The following ALMS1 variants were observed in gnomAD, a reference collection of about 807,000 sequenced individuals.
The protein encoded by ALMS1 is centrosome-associated protein ALMS1.
ALMS1 carries 271 observed loss-of-function variants against 352.2 expected under a neutral mutation model. That is an observed-to-expected ratio of 0.77 (90% CI 0.70 to 0.85). The LOEUF is 0.85. Among genes scored for constraint, ALMS1 ranks in the 40% least tolerant of loss-of-function variants. ALMS1 has a pLI of 0.00. For missense variants in ALMS1, 5,445 were observed against 4,870.7 expected, an observed-to-expected ratio of 1.12 and a Z score of -3.51; for synonymous variants, 1,865 against 1,761.2, an observed-to-expected ratio of 1.06 and a Z score of -1.48.
chr2:73,557,299 A>C lies in ALMS1; in HGVS notation c.10158A>C (p.Ala3386=). 6.2e-7 allele frequency: 1 copy of C among 1,614,206 alleles called. No homozygotes were observed. The highest frequency in any genetic ancestry group is 8.5e-7 in the Non-Finnish European group (1 of 1,180,026). ...KKQQEIHSTR[A]VTEAAQAKEK... is the part of the protein sequence containing the mutation. ...AGCAAGAGATTCACAGTACAAGGGCAGTGACTGAGGCTGCCCAGGCTAAAG... is the reference window on the plus strand; with the variant it reads ...AGCAAGAGATTCACAGTACAAGGGCCGTGACTGAGGCTGCCCAGGCTAAAG... Residue 3386 remains alanine, a synonymous_variant, in exon 14 of 23, where the codon GCA becomes GCC. Coordinates refer to ENST00000613296, the MANE Select transcript of ALMS1 (RefSeq NM_001378454.1).
rs1672972250 is a variant in ALMS1, at chr2:73,490,987, A to G, written c.9028A>G (p.Ile3010Val). 6.2e-7 allele frequency: 1 copy of G among 1,614,248 alleles called. No individual in the cohort carries two copies. The highest frequency in any genetic ancestry group is 8.5e-7 in the Non-Finnish European group (1 of 1,180,040). Reference protein sequence around the residue: ...QHKPKSHISNINVEAKFNTVV... With the variant: ...QHKPKSHISNVNVEAKFNTVV... ...TAAGCCTAAATCACACATTTCTAATATAAATGTTGAAGCCAAGTTCAATAC... is the reference window on the plus strand; with the variant it reads ...TAAGCCTAAATCACACATTTCTAATGTAAATGTTGAAGCCAAGTTCAATAC... The change falls in exon 10 of 23, where the codon ATA (isoleucine) becomes GTA (valine). Residue 3010 changes from isoleucine (I) to valine (V), a missense_variant. Coordinates refer to ENST00000613296, the MANE Select transcript of ALMS1 (RefSeq NM_001378454.1).
Position 73,520,008 on chromosome 2 carries a change from G to T in ALMS1, c.9773G>T (p.Gly3258Val). The T allele has an allele frequency of 6.2e-7, 1 of 1,614,068 alleles. No individual in the cohort carries two copies. Among genetic ancestry groups the T allele is most frequent in the Non-Finnish European group, 8.5e-7 (1 of 1,179,954 alleles). ...GTCCAACAGGTTACTTTTTCTCGCG[G>T]CACAGATGGTAAGAGAATGTGATTG... ...SSVQQVTFSR[G>V]TDGQPLLLPY... The change falls in exon 11 of 23, where the codon GGC becomes GTC. Residue 3258 changes from glycine (G) to valine (V), a missense_variant. Coordinates refer to ENST00000613296, the MANE Select transcript of ALMS1 (RefSeq NM_001378454.1).
At chr2:73,538,729 G>A (rs983744209) in intron 12 of ALMS1, among the ~76,000 whole-genome samples, 9 of 152,200 alleles carry the variant, frequency 5.9e-5, no homozygotes, top group African/African-American at 2.2e-4. Context: ...GGCACACCAG[G>A]AGATTATATC....
intron 9 of ALMS1, among the ~76,000 whole-genome samples, chr2:73,483,766 G>A (rs1162256758): frequency 6.8e-5 from 10 of 147,780 alleles, no homozygotes; most frequent in African/African-American, 2.5e-4. Flanking sequence ...CCTGTATTGG[G>A]TGCATATATA....
At chr2:73,555,431 A>G (rs898451813) in intron 13 of ALMS1, among the ~76,000 whole-genome samples, 1 of 152,228 alleles carries the variant, frequency 6.6e-6, no homozygotes, top group Non-Finnish European at 1.5e-5. Context: ...AAAATCAGAT[A>G]AATCACTGCC....
At chr2:73,406,023 T>G (rs1670966012) in intron 1 of ALMS1, among the ~76,000 whole-genome samples, 1 of 152,158 alleles carries the variant, frequency 6.6e-6, no homozygotes, top group Non-Finnish European at 1.5e-5. Context: ...GTTCTGTATA[T>G]GTATGTTAGG....
intron 9 of ALMS1, among the ~76,000 whole-genome samples, chr2:73,476,125 TATAGTAGCAGA>T (rs1333832384): frequency 6.6e-6 from 1 of 152,072 alleles, no homozygotes; most frequent in Non-Finnish European, 1.5e-5. Flanking sequence ...CTAGGTACCT[TATAGTAGCAGA>T]ATCACACAGT....
chr2:73,498,720 C>T (rs1030329341), intron 10 of ALMS1, among the ~76,000 whole-genome samples: 24 of 152,104 alleles, frequency 1.6e-4, no homozygotes, highest in Admixed American at 1.4e-3. Context: ...TCTCTAGTTC[C>T]ATCCATATTG....
Position 73,391,294 on chromosome 2 carries a change from C to CTTTTTTTTTTTTTTTTTT in ALMS1, c.324+5119_324+5120insTTTTTTTTTTTTTTTTTT, listed in dbSNP as rs397972016. Among the ~76,000 whole-genome samples the CTTTTTTTTTTTTTTTTTT allele has an allele frequency of 2.3e-3, 262 of 114,914 alleles. 10 individuals carry two copies. Among genetic ancestry groups the CTTTTTTTTTTTTTTTTTT allele is most frequent in the African/African-American group, 5.2e-3 (127 of 24,450 alleles). 75.4% of individuals were successfully genotyped at this position (114,914 alleles called of 152,430 possible). A position where few individuals can be genotyped will look rare whatever the true frequency, so the allele number is the denominator to read the frequency against. On this transcript the variant is annotated intron_variant, in intron 1 of 22. Coordinates refer to ENST00000613296, the MANE Select transcript of ALMS1 (RefSeq NM_001378454.1). ...TTAACCTATTCATATACGTTTTATT[C>CTTTTTTTTTTTTTTTTTT]TTTTTTTTTTTTTTTTTGAGACGGA...
chr2:73,405,412 T>A (rs1428691904), intron 1 of ALMS1, among the ~76,000 whole-genome samples: 1 of 152,208 alleles, frequency 6.6e-6, no homozygotes, highest in African/African-American at 2.4e-5. Flanking sequence ...TTTTTATTTC[T>A]ATGGCATTGG....
rs2104216517 is a variant in ALMS1 at position 73,608,580 on chromosome 2, T to C, written c.12462+6T>C. The C allele has an allele frequency of 1.2e-6, 2 of 1,606,196 alleles. No homozygotes were observed. Among genetic ancestry groups the C allele is most frequent in the Non-Finnish European group, 1.7e-6 (2 of 1,172,774 alleles). On this transcript the variant is annotated splice_donor_region_variant and intron_variant, in intron 22 of 22. Coordinates refer to ENST00000613296, the MANE Select transcript of ALMS1 (RefSeq NM_001378454.1). ...GAGCCCAGCTATATAAAAAGGTCAG[T>C]GGGTCCTCTGTCTAGAGTGGGATGG...
intron 16 of ALMS1, among the ~76,000 whole-genome samples, chr2:73,579,853 C>T (rs1276507209): frequency 6.6e-6 from 1 of 152,140 alleles, no homozygotes; most frequent in East Asian, 1.9e-4. Context: ...CTCAGTGTGG[C>T]TCTCTTTCAG....
In ALMS1 at chr2:73,472,084, C is replaced by T. The variant is rs563785195; in HGVS notation, c.7674+16789C>T. Among the ~76,000 whole-genome samples the T allele has an allele frequency of 5.5e-4, 83 of 152,094 alleles. 1 individual carries two copies. Among genetic ancestry groups the T allele is most frequent in the African/African-American group, 2.0e-3 (81 of 41,528 alleles). ...AAGACATTACACTATGTGAAAGAAT[C>T]CAGTCACAGAAGGACAAATACTGAA... On this transcript the variant is annotated intron_variant, in intron 9 of 22. Transcript: ENST00000613296.
chr2:73,456,273 T>G (rs1408391906), intron 9 of ALMS1, among the ~76,000 whole-genome samples: 1 of 152,218 alleles, frequency 6.6e-6, no homozygotes, highest in Non-Finnish European at 1.5e-5. Flanking sequence ...AACTAGGTGT[T>G]TCACACAGTG....
At chr2:73,602,088 C>A in intron 19 of ALMS1, 97 bp from the exon 20 acceptor site, 2 of 1,302,754 alleles carry the variant, frequency 1.5e-6, no homozygotes, top group East Asian at 2.5e-5. Context: ...CAGACTTCCC[C>A]AAACCTCTTG....
In ALMS1 at chr2:73,452,003, G is replaced by T; in HGVS notation, c.5476G>T (p.Ala1826Ser). Residue 1826 changes from alanine to serine, a missense_variant, in exon 8 of 23, where the codon GCA becomes TCA. Transcript: ENST00000613296. Reference protein sequence around the residue: ...YQRELPHFTEAGLKILRVPGP... With the variant: ...YQRELPHFTESGLKILRVPGP... Reference sequence around the variant, plus strand: ...GCGAGAGTTGCCGCATTTTACTGAAGCAGGTTTGAAAATTTTAAGAGTTCC... The same window carrying T: ...GCGAGAGTTGCCGCATTTTACTGAATCAGGTTTGAAAATTTTAAGAGTTCC... 2 of 1,613,798 alleles carry T rather than the reference G, an allele frequency of 1.2e-6. No individual in the cohort carries two copies. The highest frequency in any genetic ancestry group is 1.7e-6 in the Non-Finnish European group (2 of 1,179,802).
In ALMS1 at chr2:73,490,034, A is replaced by G. The variant is rs1221049099; in HGVS notation, c.8075A>G (p.Lys2692Arg). ...ELVEPAFVPPKEVDFHSSSQM... is the reference protein window; with the variant it reads ...ELVEPAFVPPREVDFHSSSQM... The stretch of plus-strand genomic sequence containing the variant: ...GTAGAACCTGCTTTTGTGCCACCTA[A>G]AGAAGTGGATTTTCATTCTTCATCA... Residue 2692 changes from lysine to arginine, a missense_variant, in exon 10 of 23, where the codon AAA (lysine) becomes AGA (arginine). Coordinates refer to ENST00000613296, the MANE Select transcript of ALMS1 (RefSeq NM_001378454.1). The G allele has an allele frequency of 6.2e-7, 1 of 1,614,180 alleles. No homozygotes were observed. Among genetic ancestry groups the G allele is most frequent in the Admixed American group, 1.7e-5 (1 of 60,020 alleles).
Position 73,482,606 on chromosome 2 carries a change from G to A in ALMS1, c.7675-7028G>A, listed in dbSNP as rs567283437. 5.3e-5 allele frequency among the ~76,000 whole-genome samples: 8 copies of A among 152,308 alleles called. No individual in the cohort carries two copies. In the South Asian group the frequency reaches 1.5e-3, roughly 28 times the overall value. The stretch of plus-strand genomic sequence containing the variant: ...TGCTGGCCTCATAAAAAGAGTTAGG[G>A]AGGATTCCCTCTTTTTCCATTGATT... On this transcript the variant is annotated intron_variant, in intron 9 of 22. Transcript: ENST00000613296.
chr2:73,429,278 CTTTTTTT>C (rs5832107), intron 6 of ALMS1, among the ~76,000 whole-genome samples: 2 of 102,686 alleles, frequency 1.9e-5, no homozygotes, highest in Middle Eastern at 5.6e-3. Context: ...AATTAATATG[CTTTTTTT>C]TTTTTTTTTT....
Sources: allele counts gnomAD v4.1 joint callset (sites outside exome capture counted in the v4.1 genomes callset), GRCh38; gene constraint gnomAD v4.1.1; transcripts MANE v1.5; gene names NCBI Gene and HGNC (gene_info 2026-07-23, HGNC 2026-07-21).